Variants in GTF2H3 observed in about 807,000 individuals in gnomAD.
GTF2H3 encodes the protein general transcription factor IIH subunit 3.
In GTF2H3, 42 loss-of-function variants were observed where a neutral mutation model predicts 51.1. That is an observed-to-expected ratio of 0.82 (90% CI 0.64 to 1.06). The LOEUF (loss-of-function observed/expected upper bound fraction) is 1.06. Ranked by LOEUF, GTF2H3 falls within the 50% of genes least tolerant of loss-of-function variation. The pLI is 0.00. For missense variants in GTF2H3, 326 were observed against 366.1 expected, an observed-to-expected ratio of 0.89 and a Z score of 0.89; for synonymous variants, 123 against 123.8, an observed-to-expected ratio of 0.99 and a Z score of 0.04.
chr12:123,655,955 A>C (rs1039561697), intron 9 of GTF2H3, 131 bp downstream of exon 9: 1 of 607,362 alleles, frequency 1.6e-6, no homozygotes, highest in African/African-American at 1.9e-5. Context: ...AATTTTATCT[A>C]TGTCTTTCCC....
In GTF2H3 at chr12:123,661,457, A is replaced by T. The variant is rs1307594269; in HGVS notation, c.*1222A>T. 6.6e-6 allele frequency: 1 copy of T among 151,210 alleles called. No individual in the cohort carries two copies. The highest frequency in any genetic ancestry group is 1.5e-5 in the Non-Finnish European group (1 of 67,906). 9.4% of individuals were successfully genotyped at this position (151,210 alleles called of 1,614,324 possible). On this transcript the variant is annotated 3_prime_UTR_variant, in exon 13 of 13. Transcript: ENST00000543341. ...GGAGTTCAAGATCAGCCTGGCCAGT[A>T]TGGTGAAACCCTGTCTCTACTAAAA... is the stretch of plus-strand genomic sequence containing the variant.
At chr12:123,644,680 T>G (rs1318538026) in intron 2 of GTF2H3, among the ~76,000 whole-genome samples, 2 of 151,300 alleles carry the variant, frequency 1.3e-5, no homozygotes, top group East Asian at 3.9e-4. Flanking sequence ...AAAAAAAAAG[T>G]TTTTAATTCA....
chr12:123,643,672 G>A (rs566962005), intron 2 of GTF2H3, among the ~76,000 whole-genome samples: 1 of 152,234 alleles, frequency 6.6e-6, no homozygotes, highest in South Asian at 2.1e-4. Flanking sequence ...TTTATGGACA[G>A]TCTTTTATAT....
chr12:123,639,398 T>C (rs753244527), intron 2 of GTF2H3, 55 bp downstream of exon 2: 4 of 847,912 alleles, frequency 4.7e-6, no homozygotes, highest in South Asian at 1.5e-5. Context: ...AGTGTTTATA[T>C]TGCTTTTTTA....
chr12:123,655,116 T>A, intron 8 of GTF2H3, 118 bp downstream of exon 8: 1 of 762,804 alleles, frequency 1.3e-6, no homozygotes, highest in Non-Finnish European at 2.3e-6. Flanking sequence ...GGGCAAGGAA[T>A]CCAGAATCTG....
chr12:123,641,689 G>A (rs1002537871), intron 2 of GTF2H3, among the ~76,000 whole-genome samples: 8 of 152,014 alleles, frequency 5.3e-5, no homozygotes, highest in Admixed American at 4.6e-4. Context: ...TAGTGTGGTT[G>A]CGTTCATATC....
At chr12:123,642,367 C>A (rs1293258243) in intron 2 of GTF2H3, among the ~76,000 whole-genome samples, 1 of 151,894 alleles carries the variant, frequency 6.6e-6, no homozygotes, top group Admixed American at 6.6e-5. Context: ...GACGGGGTTT[C>A]GCCGTGTTGG....
At chr12:123,634,742 C>G (rs1265259584) in intron 1 of GTF2H3, among the ~76,000 whole-genome samples, 1 of 152,172 alleles carries the variant, frequency 6.6e-6, no homozygotes, top group African/African-American at 2.4e-5. Flanking sequence ...ATACATTAAA[C>G]TACCACATAC....
rs144871206 is a variant in GTF2H3 at position 123,640,055 on chromosome 12, T to C, written c.93+712T>C. Reference sequence around the variant, plus strand: ...TTGTATTTTTAGTAGAGATGGGGTTTTGCCATGTTGGCCAGGCTGGTCTCG... The same window carrying C: ...TTGTATTTTTAGTAGAGATGGGGTTCTGCCATGTTGGCCAGGCTGGTCTCG... On this transcript the variant is annotated intron_variant, in intron 2 of 12. Transcript: ENST00000543341. 7.8e-3 allele frequency: 3,426 copies of C among 436,502 alleles called. 30 individuals are homozygous for C. Among genetic ancestry groups the C allele is most frequent in the South Asian group, 0.013 (824 of 63,124 alleles). The allele number at this position is 436,502 out of a possible 1,614,324, so 27.0% of individuals were successfully genotyped here. A position where few individuals can be genotyped will look rare whatever the true frequency, so the allele number is the denominator to read the frequency against.
At chr12:123,640,998 C>T (rs1397035215) in intron 2 of GTF2H3, among the ~76,000 whole-genome samples, 2 of 151,936 alleles carry the variant, frequency 1.3e-5, no homozygotes, top group African/African-American at 4.8e-5. Flanking sequence ...CTATAAATGT[C>T]TATTAGTTTA....
chr12:123,647,839 G>C (rs1354564347), intron 3 of GTF2H3, 124 bp from the exon 4 acceptor site: 1 of 535,174 alleles, frequency 1.9e-6, no homozygotes, highest in South Asian at 5.0e-5. Flanking sequence ...AATTTACCGT[G>C]GAATCTTGTG....
intron 7 of GTF2H3, among the ~76,000 whole-genome samples, chr12:123,654,453 GTA>G (rs767633565): frequency 6.6e-6 from 1 of 150,962 alleles, no homozygotes; most frequent in African/African-American, 2.4e-5. Flanking sequence ...TGTGTATTTT[GTA>G]TATGTGTGTG....
intron 9 of GTF2H3, 30 bp downstream of exon 9, chr12:123,655,854 T>C: frequency 6.8e-7 from 1 of 1,460,914 alleles, no homozygotes; most frequent in South Asian, 1.2e-5. Context: ...TTTGTGTCGG[T>C]GGTTATGACA....
intron 2 of GTF2H3, among the ~76,000 whole-genome samples, chr12:123,642,927 T>C (rs1261658207): frequency 6.6e-6 from 1 of 152,168 alleles, no homozygotes; most frequent in Non-Finnish European, 1.5e-5. Flanking sequence ...CAGGCTGGAG[T>C]GCAGTGGTGC....
intron 1 of GTF2H3, among the ~76,000 whole-genome samples, chr12:123,635,120 A>G (rs1377178088): frequency 1.3e-5 from 2 of 152,168 alleles, no homozygotes; most frequent in Non-Finnish European, 1.5e-5. Context: ...CGAACTAAAG[A>G]AGGAAATTCA....
intron 1 of GTF2H3, among the ~76,000 whole-genome samples, chr12:123,638,136 T>A (rs145545471): frequency 6.6e-6 from 1 of 152,068 alleles, no homozygotes; most frequent in East Asian, 1.9e-4. Flanking sequence ...TAGCTGGGAC[T>A]ACAGGCATGT....
At chr12:123,636,266 G>A (rs1472255225) in intron 1 of GTF2H3, among the ~76,000 whole-genome samples, 1 of 152,186 alleles carries the variant, frequency 6.6e-6, no homozygotes, top group Admixed American at 6.5e-5. Flanking sequence ...TGCAGATTCC[G>A]GTGCTTAGTG....
chr12:123,641,176 AAAAATT>A (rs1955366039), intron 2 of GTF2H3, among the ~76,000 whole-genome samples: 1 of 152,176 alleles, frequency 6.6e-6, no homozygotes, highest in Non-Finnish European at 1.5e-5. Flanking sequence ...AAAAAAATAA[AAAAATT>A]ATCGAGAATG....
chr12:123,655,912 A>G (rs918292130), intron 9 of GTF2H3, 88 bp downstream of exon 9: 10 of 824,286 alleles, frequency 1.2e-5, no homozygotes, highest in African/African-American at 5.1e-5. Flanking sequence ...AGCTTTGGGT[A>G]TATTGGGTTA....
Sources: gnomAD v4.1 joint callset for allele counts (sites outside exome capture counted in the v4.1 genomes callset) on GRCh38, gnomAD v4.1.1 for gene constraint, MANE v1.5 for transcripts, NCBI Gene and HGNC (gene_info 2026-07-23, HGNC 2026-07-21) for gene names.